ADCY9: variants seen among roughly 807,000 people sequenced by gnomAD.
ADCY9 encodes the protein adenylate cyclase 9.
A neutral mutation model predicts 101.5 loss-of-function variants in ADCY9; 50 were observed. That is an observed-to-expected ratio of 0.49 (90% CI 0.39 to 0.62). The LOEUF (loss-of-function observed/expected upper bound fraction) is 0.62. Among genes scored for constraint, ADCY9 ranks in the 20% least tolerant of loss-of-function variants. The pLI, the probability that ADCY9 is intolerant of heterozygous loss-of-function variation, is 0.00. For synonymous variants in ADCY9, 905 were observed against 769.3 expected, an observed-to-expected ratio of 1.18 and a Z score of -2.92; for missense variants, 1,662 against 1,800.4, an observed-to-expected ratio of 0.92 and a Z score of 1.39.
At chr16:4,102,879 G>C (rs139971064) in intron 2 of ADCY9, among the ~76,000 whole-genome samples, 2 of 151,546 alleles carry the variant, frequency 1.3e-5, no homozygotes, top group South Asian at 4.2e-4. Context: ...CCACCACCAC[G>C]CCTGGCTAAT....
chr16:3,964,780 A>T lies in ADCY9; in HGVS notation c.*995T>A, dbSNP rs1023189417. On this transcript the variant is annotated 3_prime_UTR_variant, in exon 11 of 11. Transcript: ENST00000294016. ...GGCGGCCCCAGGTGGCCAAAACACA[A>T]AAGAGACATCTGGTTACCTTCCTGG... 6.6e-6 allele frequency: 1 copy of T among 152,366 alleles called. No individual in the cohort carries two copies. Among genetic ancestry groups the T allele is most frequent in the Non-Finnish European group, 1.5e-5 (1 of 68,194 alleles). 9.4% of individuals were successfully genotyped at this position (152,366 alleles called of 1,614,324 possible).
At chr16:3,991,995 TG>T (rs1286596602) in intron 5 of ADCY9, 150 bp downstream of exon 5, 2 of 709,162 alleles carry the variant, frequency 2.8e-6, no homozygotes, top group East Asian at 5.6e-5. Context: ...CGTTTGAACC[TG>T]GGAGATAGAG....
chr16:4,011,639 G>A (rs2056405149), intron 2 of ADCY9, among the ~76,000 whole-genome samples: 2 of 152,224 alleles, frequency 1.3e-5, no homozygotes, highest in Non-Finnish European at 2.9e-5. Flanking sequence ...CCCTAATCCC[G>A]TGATCTAAGT....
At chr16:4,057,286 CT>C (rs1179341008) in intron 2 of ADCY9, among the ~76,000 whole-genome samples, 1 of 151,852 alleles carries the variant, frequency 6.6e-6, no homozygotes, top group Non-Finnish European at 1.5e-5. Context: ...GACTGTCCAT[CT>C]TTTTTTTAAT....
At chr16:4,093,737 C>A (rs1183861960) in intron 2 of ADCY9, among the ~76,000 whole-genome samples, 1 of 152,140 alleles carries the variant, frequency 6.6e-6, no homozygotes, top group East Asian at 1.9e-4. Context: ...CCAGCCTGGG[C>A]GACAGAGCCA....
intron 2 of ADCY9, among the ~76,000 whole-genome samples, chr16:4,018,245 G>C (rs1293058383): frequency 6.9e-6 from 1 of 145,482 alleles, no homozygotes; most frequent in Non-Finnish European, 1.5e-5. Context: ...ATGGAGTCTC[G>C]CTCTGTTGCC....
At chr16:3,974,538 C>G in intron 10 of ADCY9, 131 bp downstream of exon 10, 1 of 675,394 alleles carries the variant, frequency 1.5e-6, no homozygotes, top group Non-Finnish European at 2.6e-6. Flanking sequence ...ATATTTTCCA[C>G]TTTCTATTCT....
At chr16:3,957,361 G>A (rs1396204913) in intron 5 of ADCY9, among the ~76,000 whole-genome samples, 1 of 152,192 alleles carries the variant, frequency 6.6e-6, no homozygotes, top group Non-Finnish European at 1.5e-5. Context: ...CTATCTTCCA[G>A]GTAGAGGCAT....
At chr16:4,006,771 C>T (rs887800964) in intron 3 of ADCY9, among the ~76,000 whole-genome samples, 2 of 152,034 alleles carry the variant, frequency 1.3e-5, no homozygotes, top group African/African-American at 2.4e-5. Context: ...CAAGGTCGAC[C>T]GCGCCAATTC....
In ADCY9 at chr16:4,042,343, T is replaced by C. The variant is rs533152145; in HGVS notation, c.1694-34785A>G. On this transcript the variant is annotated intron_variant, in intron 2 of 10. Coordinates refer to ENST00000294016, the MANE Select transcript of ADCY9 (RefSeq NM_001116.4). ...GGCCTCTCAAAGTGCTGGGATTACATGTGAACCAGCATGTCTGGCCTTCAA... is the reference window on the plus strand; with the variant it reads ...GGCCTCTCAAAGTGCTGGGATTACACGTGAACCAGCATGTCTGGCCTTCAA... Among the ~76,000 whole-genome samples the C allele has an allele frequency of 2.7e-4, 41 of 152,292 alleles. 1 individual carries two copies. In the South Asian group the frequency reaches 6.8e-3, roughly 25 times the overall value.
In ADCY9 at chr16:3,965,762, G is replaced by T; in HGVS notation, c.*13C>A. On this transcript the variant is annotated 3_prime_UTR_variant, in exon 11 of 11. Coordinates refer to ENST00000294016, the MANE Select transcript of ADCY9 (RefSeq NM_001116.4). Reference sequence around the variant, plus strand: ...GACAAACAGAGCACCTCGGGCAGCGGGTGGGCGCCGCCTCACACACTCTTT... The same window carrying T: ...GACAAACAGAGCACCTCGGGCAGCGTGTGGGCGCCGCCTCACACACTCTTT... 1 of 1,595,770 alleles carries T rather than the reference G, an allele frequency of 6.3e-7. No homozygotes were observed. Among genetic ancestry groups the T allele is most frequent in the Non-Finnish European group, 8.6e-7 (1 of 1,169,122 alleles).
chr16:4,035,876 G>C (rs1165982242), intron 2 of ADCY9, among the ~76,000 whole-genome samples: 1 of 151,916 alleles, frequency 6.6e-6, no homozygotes, highest in Non-Finnish European at 1.5e-5. Flanking sequence ...GCACATGATT[G>C]TAATCCCAGC....
intron 10 of ADCY9, among the ~76,000 whole-genome samples, chr16:3,968,074 A>G (rs1341685783): frequency 2.0e-5 from 3 of 152,198 alleles, no homozygotes; most frequent in Non-Finnish European, 2.9e-5. Context: ...CCTAAGAATA[A>G]GGATATTTCC....
At chr16:4,095,967 ACT>A (rs1277598390) in intron 2 of ADCY9, among the ~76,000 whole-genome samples, 2 of 107,046 alleles carry the variant, frequency 1.9e-5, no homozygotes, top group African/African-American at 7.2e-5. Flanking sequence ...ACAGAGCAAG[ACT>A]CTATCTCAAA....
chr16:4,077,305 G>C (rs1395033637), intron 2 of ADCY9, among the ~76,000 whole-genome samples: 2 of 152,178 alleles, frequency 1.3e-5, no homozygotes, highest in Non-Finnish European at 2.9e-5. Flanking sequence ...CATCTGGAGA[G>C]ATGAGCAGAT....
At chr16:4,098,587 G>A (rs2141197180) in intron 2 of ADCY9, among the ~76,000 whole-genome samples, 1 of 152,160 alleles carries the variant, frequency 6.6e-6, no homozygotes, top group Admixed American at 6.5e-5. Flanking sequence ...TATCAGGCAT[G>A]TATTATATGC....
At position 4,115,909 on chromosome 16, in the gene ADCY9, G is replaced by A. The variant is rs1382206606; in HGVS notation, c.-263C>T. On this transcript the variant is annotated 5_prime_UTR_variant, in exon 1 of 11. Transcript: ENST00000294016. This position sits in a 1 kb window ranked among gnomAD's most constrained non-coding sequence, Gnocchi z 6.2. ...GCGCACAAACAACTCCGCTGGCGGC[G>A]CGGAGCCCTCCATCCTGCAGGAGCC... The A allele has an allele frequency of 7.7e-6, 3 of 392,112 alleles. No individual in the cohort carries two copies. The highest frequency in any genetic ancestry group is 1.4e-5 in the Non-Finnish European group (3 of 222,100). The allele number at this position is 392,112 out of a possible 1,614,324, so 24.3% of individuals were successfully genotyped here. A position where few individuals can be genotyped will look rare whatever the true frequency, so the allele number is the denominator to read the frequency against.
At chr16:3,979,602 C>T (rs1456148807) in intron 7 of ADCY9, among the ~76,000 whole-genome samples, 5 of 152,368 alleles carry the variant, frequency 3.3e-5, no homozygotes, top group Middle Eastern at 3.4e-3. Flanking sequence ...GGGGCCACCA[C>T]GTTGCCGTCA....
chr16:4,096,728 G>A (rs2057006147), intron 2 of ADCY9, among the ~76,000 whole-genome samples: 1 of 152,136 alleles, frequency 6.6e-6, no homozygotes, highest in South Asian at 2.1e-4. Flanking sequence ...AGCCTTAATG[G>A]TATATTGCAT....
Sources: gnomAD v4.1 joint callset for allele counts (sites outside exome capture counted in the v4.1 genomes callset) on GRCh38, gnomAD v4.1.1 for gene constraint, Gnocchi (gnomAD v3.1) non-coding constraint, MANE v1.5 for transcripts, NCBI Gene and HGNC (gene_info 2026-07-23, HGNC 2026-07-21) for gene names.